The following COL2A1 variants were observed in gnomAD, a reference collection of about 807,000 sequenced individuals.
The protein encoded by COL2A1 is collagen type II alpha 1 chain, also known as collagen alpha-1(II) chain.
Under a neutral mutation model 204.5 loss-of-function variants are expected in COL2A1, and 28 were observed. That is an observed-to-expected ratio of 0.14 (90% CI 0.10 to 0.19). COL2A1 has a LOEUF of 0.19. Ranked by LOEUF, COL2A1 falls within the 10% of genes least tolerant of loss-of-function variation. The pLI is 1.00. For missense variants in COL2A1, 1,388 were observed against 2,027.5 expected, an observed-to-expected ratio of 0.68 and a Z score of 6.06; for synonymous variants, 708 against 718.7, an observed-to-expected ratio of 0.99 and a Z score of 0.24.
intron 23 of COL2A1, 75 bp from the exon 24 acceptor site, chr12:47,986,040 A>G (rs1246322609): frequency 5.0e-6 from 7 of 1,399,074 alleles, no homozygotes; most frequent in Non-Finnish European, 6.9e-6. Context: ...GGTCCATCCC[A>G]CTAACCCACC....
At chr12:47,995,685 G>A (rs745359226) in intron 10 of COL2A1, 25 bp downstream of exon 10, 2 of 1,612,730 alleles carry the variant, frequency 1.2e-6, no homozygotes, top group Non-Finnish European at 1.7e-6. Flanking sequence ...CCCCAGAGAA[G>A]GGACAGGGCC....
chr12:47,979,851 C>A (rs1176757071), intron 40 of COL2A1, among the ~76,000 whole-genome samples, 158 bp downstream of exon 40: 3 of 152,160 alleles, frequency 2.0e-5, no homozygotes, highest in Non-Finnish European at 4.4e-5. Context: ...AGCCCACAGG[C>A]GCCCTCTCTC....
Position 48,004,391 on chromosome 12 carries a change from G to A in COL2A1, c.-70C>T, listed in dbSNP as rs960141689. 119 of 947,250 alleles carry A rather than the reference G, an allele frequency of 1.3e-4. No individual in the cohort carries two copies. The highest frequency in any genetic ancestry group is 1.8e-4 in the Non-Finnish European group (112 of 610,016). The allele number at this position is 947,250 out of a possible 1,614,324, so 58.7% of individuals were successfully genotyped here. ...GCGAAACGGCAGGAGCACGGCGCGG[G>A]TCCGGGTCTCTACCGCGCCCTCATG... On this transcript the variant is annotated 5_prime_UTR_variant, in exon 1 of 54. Coordinates refer to ENST00000380518, the MANE Select transcript of COL2A1 (RefSeq NM_001844.5).
chr12:47,983,490 C>G (rs752956124), intron 30 of COL2A1, 52 bp from the exon 31 acceptor site: 19 of 1,574,908 alleles, frequency 1.2e-5, no homozygotes, highest in Non-Finnish European at 1.6e-5. Flanking sequence ...GCTGCCCTGG[C>G]CCCCAGGGAG....
Position 47,980,116 on chromosome 12 carries a change from G to A in COL2A1, c.2626-54C>T. On this transcript the variant is annotated intron_variant, in intron 39 of 53. Coordinates refer to ENST00000380518, the MANE Select transcript of COL2A1 (RefSeq NM_001844.5). The surrounding 1 kb of genome is among the most constrained non-coding windows in gnomAD (Gnocchi z 4.5). ...CCCAGTGGCCCAAGGAAGACGGTGG[G>A]CTTCTGTCTGAGCCCCAACAATGGA... 2.0e-6 allele frequency: 3 copies of A among 1,467,670 alleles called. No individual in the cohort carries two copies. Among genetic ancestry groups the A allele is most frequent in the Middle Eastern group, 1.7e-4 (1 of 5,854 alleles). The allele number at this position is 1,467,670 out of a possible 1,614,324, so 90.9% of individuals were successfully genotyped here.
At chr12:47,989,409 G>A (rs1939594073) in intron 17 of COL2A1, 128 bp from the exon 18 acceptor site, 1 of 865,502 alleles carries the variant, frequency 1.2e-6, no homozygotes, top group African/African-American at 1.7e-5. Context: ...GTGGCTAAAA[G>A]GCCTTGGATG....
chr12:47,986,137 G>T (rs962140253), intron 23 of COL2A1, among the ~76,000 whole-genome samples, 172 bp from the exon 24 acceptor site: 1 of 152,176 alleles, frequency 6.6e-6, no homozygotes, highest in African/African-American at 2.4e-5. Flanking sequence ...CTGGGAAGGA[G>T]CTCAGACTAT....
chr12:47,995,442 G>A (rs924197257), intron 10 of COL2A1, 134 bp from the exon 11 acceptor site: 3 of 881,426 alleles, frequency 3.4e-6, no homozygotes, highest in Admixed American at 1.8e-5. Flanking sequence ...CAGAGCAAAG[G>A]TGCAGAGATC....
chr12:47,977,567 A>G (rs1018257494), intron 45 of COL2A1, 33 bp downstream of exon 45: 1 of 1,613,722 alleles, frequency 6.2e-7, no homozygotes, highest in Non-Finnish European at 8.5e-7. Context: ...TGTCCTCCCC[A>G]ACCCACTGCA....
intron 11 of COL2A1, among the ~76,000 whole-genome samples, chr12:47,995,003 T>C (rs1939884759): frequency 6.6e-6 from 1 of 152,222 alleles, no homozygotes; most frequent in South Asian, 2.1e-4. Context: ...CATTTCTCAA[T>C]TTCCCTTCCT....
intron 16 of COL2A1, among the ~76,000 whole-genome samples, chr12:47,990,439 G>A (rs934257092): frequency 6.6e-6 from 1 of 152,248 alleles, no homozygotes; most frequent in African/African-American, 2.4e-5. Flanking sequence ...AAATGAAACA[G>A]CGAGGCAACC....
chr12:48,006,203 T>A (rs1940462208), upstream of COL2A1: 1 of 152,240 alleles, frequency 6.6e-6, no homozygotes, highest in African/African-American at 2.4e-5. Context: ...GAAGGTCCTA[T>A]ATTCTCTACC....
Position 47,978,471 on chromosome 12 carries a change from C to T in COL2A1, c.2896-73G>A. On this transcript the variant is annotated intron_variant, in intron 42 of 53. Transcript: ENST00000380518. This position sits in a 1 kb window ranked among gnomAD's most constrained non-coding sequence, Gnocchi z 5.5. ...TTCTGTCCTCTCAGCACAGCTCTGT[C>T]TGTGCAGCCCCGCTCCCTGGCATCC... The T allele has an allele frequency of 8.2e-6, 13 of 1,580,162 alleles. No homozygotes were observed. Among genetic ancestry groups the T allele is most frequent in the Non-Finnish European group, 1.1e-5 (13 of 1,158,314 alleles).
chr12:48,003,337 A>G lies in COL2A1; in HGVS notation c.85+900T>C, dbSNP rs1940324094. On this transcript the variant is annotated intron_variant, in intron 1 of 53. Transcript: ENST00000380518. ...CATACACACACACACACGCACACACACACACACCACGCAGCCTGGCTCGGT... is the reference window on the plus strand; with the variant it reads ...CATACACACACACACACGCACACACGCACACACCACGCAGCCTGGCTCGGT... 2.0e-5 allele frequency among the ~76,000 whole-genome samples: 3 copies of G among 151,966 alleles called. 1 individual carries two copies. Among genetic ancestry groups the G allele is most frequent in the Admixed American group, 2.0e-4 (3 of 15,260 alleles).
At position 47,976,656 on chromosome 12, in the gene COL2A1, G is replaced by T; in HGVS notation, c.3436-89C>A. ...GCTGGGGGAACAGCTTTATGTCCCAGCCCCATTCCCTTTCCACTTCCTCCT... is the reference window on the plus strand; with the variant it reads ...GCTGGGGGAACAGCTTTATGTCCCATCCCCATTCCCTTTCCACTTCCTCCT... On this transcript the variant is annotated intron_variant, in intron 48 of 53. Coordinates refer to ENST00000380518, the MANE Select transcript of COL2A1 (RefSeq NM_001844.5). The surrounding 1 kb of genome is among the most constrained non-coding windows in gnomAD (Gnocchi z 4.3). 2.1e-6 allele frequency: 3 copies of T among 1,451,364 alleles called. No individual in the cohort carries two copies. Among genetic ancestry groups the T allele is most frequent in the Non-Finnish European group, 2.9e-6 (3 of 1,038,284 alleles). The allele number at this position is 1,451,364 out of a possible 1,614,324, so 89.9% of individuals were successfully genotyped here.
At chr12:47,979,413 G>A (rs1041734719) in intron 41 of COL2A1, 98 bp downstream of exon 41, 1 of 1,263,616 alleles carries the variant, frequency 7.9e-7, no homozygotes, top group Non-Finnish European at 1.2e-6. Context: ...CGGACTCAGA[G>A]GAGTGAAGGC....
intron 18 of COL2A1, among the ~76,000 whole-genome samples, chr12:47,988,957 AT>A (rs1487743533): frequency 5.9e-5 from 9 of 152,190 alleles, no homozygotes; most frequent in Admixed American, 5.9e-4. Context: ...CCTATGGTGT[AT>A]CCCCGTCTTC....
At position 47,985,892 on chromosome 12, in the gene COL2A1, G is replaced by C. The variant is rs1050269472; in HGVS notation, c.1581+20C>G. 8.3e-6 allele frequency: 13 copies of C among 1,558,650 alleles called. No homozygotes were observed. Among genetic ancestry groups the C allele is most frequent in the Middle Eastern group, 1.7e-4 (1 of 6,000 alleles). Reference sequence around the variant, plus strand: ...CTCAGCGATGCAGGGAGGGACCCCAGCCCCTCTTCTCCCACTCACCTTGGG... The same window carrying C: ...CTCAGCGATGCAGGGAGGGACCCCACCCCCTCTTCTCCCACTCACCTTGGG... On this transcript the variant is annotated intron_variant, in intron 24 of 53. Coordinates refer to ENST00000380518, the MANE Select transcript of COL2A1 (RefSeq NM_001844.5).
chr12:47,995,153 T>A (rs1190711061), intron 11 of COL2A1, 102 bp downstream of exon 11: 1 of 981,032 alleles, frequency 1.0e-6, no homozygotes, highest in African/African-American at 1.6e-5. Context: ...CTCCTCAAGA[T>A]ACCTCCACCC....
Sources: gnomAD v4.1 joint callset for allele counts (sites outside exome capture counted in the v4.1 genomes callset) on GRCh38, gnomAD v4.1.1 for gene constraint, Gnocchi (gnomAD v3.1) non-coding constraint, MANE v1.5 for transcripts, NCBI Gene and HGNC (gene_info 2026-07-23, HGNC 2026-07-21) for gene names.